VAT1L: variants seen among roughly 807,000 people sequenced by gnomAD.
The protein encoded by VAT1L is putative NADPH-dependent quinone oxidoreductase VAT1L.
A neutral mutation model predicts 44.1 loss-of-function variants in VAT1L; 34 were observed. The observed-to-expected ratio is 0.77, with a 90% CI of 0.59 to 1.03. The LOEUF is 1.03. VAT1L is among the 50% of genes least tolerant of loss of function. The pLI is 0.00. For missense variants in VAT1L, 615 were observed against 538.8 expected, an observed-to-expected ratio of 1.14 and a Z score of -1.40; for synonymous variants, 253 against 202.2, an observed-to-expected ratio of 1.25 and a Z score of -2.13.
At chr16:77,936,047 G>GA (rs1276844661) in intron 7 of VAT1L, among the ~76,000 whole-genome samples, 1 of 151,700 alleles carries the variant, frequency 6.6e-6, no homozygotes, top group Admixed American at 6.6e-5. Flanking sequence ...TACCTGGGGA[G>GA]AAAAAAAAGG....
chr16:77,895,229 A>G (rs2017311409), intron 7 of VAT1L, among the ~76,000 whole-genome samples: 1 of 152,060 alleles, frequency 6.6e-6, no homozygotes, highest in Non-Finnish European at 1.5e-5. Context: ...CCTTGCACCC[A>G]GCTCTGCTCT....
intron 7 of VAT1L, among the ~76,000 whole-genome samples, chr16:77,888,356 T>C (rs1052787411): frequency 1.3e-5 from 2 of 152,204 alleles, no homozygotes; most frequent in African/African-American, 4.8e-5. Context: ...CCCCAGTGCC[T>C]GGCATGGAAT....
intron 7 of VAT1L, among the ~76,000 whole-genome samples, chr16:77,941,221 C>G (rs1243145741): frequency 6.6e-6 from 1 of 152,132 alleles, no homozygotes; most frequent in East Asian, 1.9e-4. Flanking sequence ...GGCCCAGCTT[C>G]TTGTGGGACA....
chr16:77,845,667 C>G (rs1281955519), intron 3 of VAT1L, among the ~76,000 whole-genome samples: 1 of 152,174 alleles, frequency 6.6e-6, no homozygotes, highest in Non-Finnish European at 1.5e-5. Flanking sequence ...CTCTCCAGCC[C>G]AGCCTGTCCG....
At chr16:77,842,367 A>G (rs2145260767) in intron 3 of VAT1L, among the ~76,000 whole-genome samples, 1 of 152,360 alleles carries the variant, frequency 6.6e-6, no homozygotes, top group Admixed American at 6.5e-5. Flanking sequence ...GGTAAGACAC[A>G]GTGCTTGCAT....
chr16:77,850,477 T>G (rs564611976), intron 3 of VAT1L, among the ~76,000 whole-genome samples: 1 of 152,196 alleles, frequency 6.6e-6, no homozygotes, highest in African/African-American at 2.4e-5. Context: ...TTCCTTGACT[T>G]AATATTAGGA....
intron 3 of VAT1L, among the ~76,000 whole-genome samples, chr16:77,860,748 A>C (rs988137019): frequency 6.6e-6 from 1 of 152,226 alleles, no homozygotes; most frequent in Admixed American, 6.5e-5. Context: ...AGGCAGGAGA[A>C]TTAAACAAGT....
intron 7 of VAT1L, among the ~76,000 whole-genome samples, chr16:77,919,389 G>A (rs1388236511): frequency 6.6e-6 from 1 of 152,190 alleles, no homozygotes; most frequent in South Asian, 2.1e-4. Flanking sequence ...AGAAGCTGGA[G>A]CTGGAATGTG....
intron 7 of VAT1L, among the ~76,000 whole-genome samples, chr16:77,888,603 G>A (rs2142464819): frequency 1.3e-5 from 2 of 152,352 alleles, no homozygotes; most frequent in African/African-American, 4.8e-5. Flanking sequence ...GCATGATTGA[G>A]ATTTTGGGCT....
At chr16:77,926,887 G>A (rs866278110) in intron 7 of VAT1L, among the ~76,000 whole-genome samples, 1 of 152,080 alleles carries the variant, frequency 6.6e-6, no homozygotes, top group African/African-American at 2.4e-5. Flanking sequence ...GGCTTCTTGG[G>A]CCACTCTATC....
intron 7 of VAT1L, among the ~76,000 whole-genome samples, chr16:77,896,622 T>C (rs1482872067): frequency 6.6e-6 from 1 of 152,210 alleles, no homozygotes; most frequent in African/African-American, 2.4e-5. Flanking sequence ...ACACAGGATA[T>C]GCCCCGCGAA....
At chr16:77,926,499 G>C (rs144972443) in intron 7 of VAT1L, among the ~76,000 whole-genome samples, 2 of 151,978 alleles carry the variant, frequency 1.3e-5, no homozygotes, top group Admixed American at 6.6e-5. Flanking sequence ...CAGGAGAATC[G>C]CTTGAACCTG....
chr16:77,821,327 G>T (rs536191819), intron 2 of VAT1L, among the ~76,000 whole-genome samples: 2 of 149,578 alleles, frequency 1.3e-5, no homozygotes, highest in African/African-American at 2.5e-5. Flanking sequence ...CGAGATGGGA[G>T]TCTCACTCTG....
At chr16:77,923,831 T>A (rs2017637978) in intron 7 of VAT1L, among the ~76,000 whole-genome samples, 1 of 152,074 alleles carries the variant, frequency 6.6e-6, no homozygotes, top group Admixed American at 6.5e-5. Context: ...GTGAAAACCA[T>A]CCCAGGATAG....
chr16:77,944,943 C>G (rs1209655342), intron 7 of VAT1L, among the ~76,000 whole-genome samples: 1 of 152,188 alleles, frequency 6.6e-6, no homozygotes, highest in East Asian at 1.9e-4. Context: ...AAACTAAACA[C>G]TCTTCCAAGC....
intron 1 of VAT1L, chr16:77,800,335 G>T (rs1477517736): frequency 6.6e-6 from 1 of 152,172 alleles, no homozygotes; most frequent in Non-Finnish European, 1.5e-5. Context: ...CAGGCCCAAT[G>T]ACTGTTATTT....
intron 7 of VAT1L, among the ~76,000 whole-genome samples, chr16:77,958,726 T>A (rs436072): frequency 6.6e-6 from 1 of 152,046 alleles, no homozygotes; most frequent in Non-Finnish European, 1.5e-5. Context: ...GATGTATATT[T>A]GATCAGGAGA....
intron 5 of VAT1L, 105 bp downstream of exon 5, chr16:77,876,578 G>A: frequency 1.1e-6 from 1 of 930,926 alleles, no homozygotes; most frequent in East Asian, 2.4e-5. Context: ...TGGGGTAGTG[G>A]GATGGGGGTG....
At chr16:77,793,316 T>C (rs2015868666) in intron 1 of VAT1L, among the ~76,000 whole-genome samples, 1 of 152,160 alleles carries the variant, frequency 6.6e-6, no homozygotes, top group African/African-American at 2.4e-5. Flanking sequence ...ACAGAGTCTA[T>C]GTTGCTCAGG....
Sources: allele counts gnomAD v4.1 joint callset (sites outside exome capture counted in the v4.1 genomes callset), GRCh38; gene constraint gnomAD v4.1.1; transcripts MANE v1.5; gene names NCBI Gene and HGNC (gene_info 2026-07-23, HGNC 2026-07-21).